PCDHGA1: variants seen among roughly 807,000 people sequenced by gnomAD.
The protein encoded by PCDHGA1 is protocadherin gamma subfamily A, 1.
In PCDHGA1, 32 loss-of-function variants were observed where a neutral mutation model predicts 58.0. That is an observed-to-expected ratio of 0.55 (90% CI 0.42 to 0.74). PCDHGA1 has a LOEUF of 0.74. Among genes scored for constraint, PCDHGA1 ranks in the 30% least tolerant of loss-of-function variants. The probability of loss-of-function intolerance (pLI) is 0.00; values close to 1 mark genes in which losing one functional copy is unlikely to be tolerated. For missense variants in PCDHGA1, 1,205 were observed against 1,182.3 expected, an observed-to-expected ratio of 1.02 and a Z score of -0.28; for synonymous variants, 498 against 501.1, an observed-to-expected ratio of 0.99 and a Z score of 0.08.
chr5:141,408,219 C>T (rs560438654), intron 1 of PCDHGA1: 4 of 1,557,930 alleles, frequency 2.6e-6, no homozygotes, highest in East Asian at 4.8e-5. Flanking sequence ...GGGAGCTGCG[C>T]GCAGAGGCGC....
At chr5:141,365,469 G>A in intron 1 of PCDHGA1, 2 of 1,614,010 alleles carry the variant, frequency 1.2e-6, no homozygotes, top group Non-Finnish European at 1.7e-6. Flanking sequence ...GGAGAAAATG[G>A]TGAGATTGCA....
intron 1 of PCDHGA1, chr5:141,414,204 T>C (rs748616910): frequency 1.2e-6 from 2 of 1,612,266 alleles, no homozygotes; most frequent in East Asian, 2.2e-5. Flanking sequence ...CAGTAGAAGA[T>C]GTAAATGACA....
intron 3 of PCDHGA1, among the ~76,000 whole-genome samples, chr5:141,509,398 G>A (rs1218925417): frequency 6.6e-6 from 1 of 152,106 alleles, no homozygotes; most frequent in Admixed American, 6.5e-5. Context: ...GGATCTCAGG[G>A]CCTCCAGCAG....
At chr5:141,409,652 A>G in intron 1 of PCDHGA1, 1 of 1,613,654 alleles carries the variant, frequency 6.2e-7, no homozygotes, top group Non-Finnish European at 8.5e-7. Flanking sequence ...TTTGGGGCTC[A>G]ATGGCCACAT....
intron 1 of PCDHGA1, chr5:141,415,978 C>A: frequency 5.7e-6 from 2 of 353,430 alleles, no homozygotes; most frequent in Non-Finnish European, 9.4e-6. Flanking sequence ...CTTAAGCAAC[C>A]CTCTTGTTCT....
chr5:141,330,914 T>C lies in PCDHGA1; in HGVS notation c.230T>C (p.Leu77Pro). 2.5e-6 allele frequency: 4 copies of C among 1,614,242 alleles called. No individual in the cohort carries two copies. Among genetic ancestry groups the C allele is most frequent in the Non-Finnish European group, 3.4e-6 (4 of 1,180,038 alleles). ...VSRGRMPLFALNPRSGSLITA... is the reference protein window; with the variant it reads ...VSRGRMPLFAPNPRSGSLITA... ...AGAGGTAGGATGCCGCTTTTCGCTC[T>C]GAATCCTAGAAGTGGCAGCTTGATC... is the stretch of plus-strand genomic sequence containing the variant. Residue 77 changes from leucine to proline, a missense_variant, in exon 1 of 4, where the codon CTG becomes CCG. Coordinates refer to ENST00000517417, the MANE Select transcript of PCDHGA1 (RefSeq NM_018912.3).
intron 1 of PCDHGA1, chr5:141,362,657 G>A (rs564342376): frequency 1.6e-5 from 23 of 1,396,834 alleles, no homozygotes; most frequent in Admixed American, 2.6e-5. Flanking sequence ...GTTAGATTTG[G>A]CCAATGTTGT....
At chr5:141,446,968 G>A (rs1052445705) in intron 1 of PCDHGA1, among the ~76,000 whole-genome samples, 12 of 152,050 alleles carry the variant, frequency 7.9e-5, no homozygotes, top group African/African-American at 2.4e-4. Flanking sequence ...AGGGAAATTT[G>A]CTGTCTAATT....
intron 1 of PCDHGA1, chr5:141,418,408 A>G (rs2096253819): frequency 8.1e-6 from 13 of 1,614,032 alleles, no homozygotes; most frequent in Non-Finnish European, 1.1e-5. Flanking sequence ...TGGTGGAGAA[A>G]GACAATCCTG....
intron 1 of PCDHGA1, chr5:141,394,756 A>T (rs757241753): frequency 1.2e-6 from 2 of 1,613,324 alleles, no homozygotes; most frequent in Non-Finnish European, 1.7e-6. Flanking sequence ...GCCGTCCAGG[A>T]CCATGGCCAG....
chr5:141,419,638 C>G, intron 1 of PCDHGA1: 1 of 1,612,456 alleles, frequency 6.2e-7, no homozygotes, highest in Non-Finnish European at 8.5e-7. Context: ...AGGTGGTGGC[C>G]GTGGACGCGG....
chr5:141,343,802 A>T (rs1757327036), intron 1 of PCDHGA1: 1 of 454,830 alleles, frequency 2.2e-6, no homozygotes, highest in Admixed American at 3.9e-5. Context: ...CCACTCAAGA[A>T]GGAGAACGCA....
At chr5:141,374,299 G>A (rs1588736812) in intron 1 of PCDHGA1, 1 of 1,613,982 alleles carries the variant, frequency 6.2e-7, no homozygotes, top group Non-Finnish European at 8.5e-7. Context: ...GAGGTAGGAT[G>A]CAGCTTTTCT....
rs762866893 is a variant in PCDHGA1 at position 141,389,080 on chromosome 5, C to G, written c.2421+55975C>G. ...AAAATATTAACTTCTTCAAGAAACA[C>G]GTATAAATTAGTGACAGATGCTGTT... On this transcript the variant is annotated intron_variant, in intron 1 of 3. Transcript: ENST00000517417. 7 of 1,613,984 alleles carry G rather than the reference C, an allele frequency of 4.3e-6. No individual in the cohort carries two copies. The South Asian group carries it at 5.5e-5, about 13-fold the overall frequency.
chr5:141,432,969 C>T lies in PCDHGA1; in HGVS notation c.2422-61838C>T, dbSNP rs754836894. On this transcript the variant is annotated intron_variant, in intron 1 of 3. Coordinates refer to ENST00000517417, the MANE Select transcript of PCDHGA1 (RefSeq NM_018912.3). The surrounding 1 kb of genome is among the most constrained non-coding windows in gnomAD (Gnocchi z 6.0). ...GGAGGCGGCTTGACAGGAGCGCCGG[C>T]GTCGCACTTTGTGGGCGTGGACGGG... The T allele has an allele frequency of 3.7e-6, 6 of 1,614,030 alleles. No individual in the cohort carries two copies. In the African/African-American group the frequency reaches 8.0e-5, roughly 22 times the overall value.
In PCDHGA1 at chr5:141,374,652, A is replaced by C. The variant is rs947408708; in HGVS notation, c.2421+41547A>C. Reference sequence around the variant, plus strand: ...GTGCAAAGCGAAGCCCATGGGCCCAAGTACCCGGAGCTGGTGCTGGAGGGC... The same window carrying C: ...GTGCAAAGCGAAGCCCATGGGCCCACGTACCCGGAGCTGGTGCTGGAGGGC... On this transcript the variant is annotated intron_variant, in intron 1 of 3. Coordinates refer to ENST00000517417, the MANE Select transcript of PCDHGA1 (RefSeq NM_018912.3). 1.2e-6 allele frequency: 2 copies of C among 1,612,302 alleles called. No homozygotes were observed.
At chr5:141,412,815 A>G (rs2095578958) in intron 1 of PCDHGA1, among the ~76,000 whole-genome samples, 1 of 152,328 alleles carries the variant, frequency 6.6e-6, no homozygotes, top group Non-Finnish European at 1.5e-5. Flanking sequence ...AGAAACCTAC[A>G]TATAGTAAAT....
At chr5:141,386,621 G>T (rs780529864) in intron 1 of PCDHGA1, among the ~76,000 whole-genome samples, 1 of 151,474 alleles carries the variant, frequency 6.6e-6, no homozygotes, top group Non-Finnish European at 1.5e-5. Flanking sequence ...ATGGAGTCTC[G>T]CTCTGTCACC....
At chr5:141,501,290 TACACACACACACACACACACACACAC>T (rs55762287) in intron 2 of PCDHGA1, among the ~76,000 whole-genome samples, 1 of 136,164 alleles carries the variant, frequency 7.3e-6, no homozygotes, top group Non-Finnish European at 1.6e-5. Flanking sequence ...TATTCCCTTA[TACACACACACACACACACACACACAC>T]ACACACACAC....
Sources: gnomAD v4.1 joint callset for allele counts (sites outside exome capture counted in the v4.1 genomes callset) on GRCh38, gnomAD v4.1.1 for gene constraint, Gnocchi (gnomAD v3.1) non-coding constraint, MANE v1.5 for transcripts, NCBI Gene and HGNC (gene_info 2026-07-23, HGNC 2026-07-21) for gene names.